TTC28: variants seen among roughly 807,000 people sequenced by gnomAD.
The protein encoded by TTC28 is tetratricopeptide repeat protein 28.
Under a neutral mutation model 198.0 loss-of-function variants are expected in TTC28, and 61 were observed. The observed-to-expected ratio is 0.31, with a 90% confidence interval of 0.25 to 0.38. The LOEUF is 0.38. Among genes scored for constraint, TTC28 ranks in the 10% least tolerant of loss-of-function variants. The pLI, the probability that TTC28 is intolerant of heterozygous loss-of-function variation, is 1.00. For missense variants in TTC28, 2,678 were observed against 3,164.0 expected, an observed-to-expected ratio of 0.85 and a Z score of 3.69; for synonymous variants, 1,171 against 1,297.8, an observed-to-expected ratio of 0.90 and a Z score of 2.10.
At chr22:28,477,597 G>A (rs955947884) in intron 2 of TTC28, among the ~76,000 whole-genome samples, 1 of 152,126 alleles carries the variant, frequency 6.6e-6, no homozygotes, top group Admixed American at 6.5e-5. Context: ...AAAACAAGAT[G>A]GAAAAGAAAA....
intron 2 of TTC28, among the ~76,000 whole-genome samples, chr22:28,488,116 A>C (rs1222721609): frequency 6.6e-6 from 1 of 152,172 alleles, no homozygotes; most frequent in Non-Finnish European, 1.5e-5. Context: ...CCTCCAGCTT[A>C]GGGGGAGTTA....
At chr22:28,296,384 T>C in intron 4 of TTC28, 56 bp from the exon 5 acceptor site, 1 of 1,381,378 alleles carries the variant, frequency 7.2e-7, no homozygotes, top group South Asian at 1.7e-5. Flanking sequence ...ATAATGTTAT[T>C]TATAACATAT....
At chr22:28,070,187 C>T (rs1412447139) in intron 12 of TTC28, among the ~76,000 whole-genome samples, 1 of 152,032 alleles carries the variant, frequency 6.6e-6, no homozygotes, top group Non-Finnish European at 1.5e-5. Context: ...ATGAATATTC[C>T]CTGAGGCCCA....
chr22:28,341,483 CT>C (rs1484012321), intron 2 of TTC28, among the ~76,000 whole-genome samples: 2 of 152,006 alleles, frequency 1.3e-5, no homozygotes, highest in Non-Finnish European at 2.9e-5. Context: ...GAGATCTCAT[CT>C]TAACAAAAAA....
chr22:28,587,505 T>C (rs773419479), intron 2 of TTC28, among the ~76,000 whole-genome samples: 1 of 152,184 alleles, frequency 6.6e-6, no homozygotes, highest in Non-Finnish European at 1.5e-5. Flanking sequence ...TTTTTATTTA[T>C]TTATTTTATT....
chr22:28,440,858 TC>T (rs1266132237), intron 2 of TTC28, among the ~76,000 whole-genome samples: 1 of 152,148 alleles, frequency 6.6e-6, no homozygotes, highest in Non-Finnish European at 1.5e-5. Flanking sequence ...TCTAATCTCT[TC>T]CAAGGGAGCT....
rs562832253 is a variant in TTC28, at chr22:28,083,579, C to T, written c.3932+10501G>A. Among the ~76,000 whole-genome samples, 43 of 152,336 alleles carry T rather than the reference C, an allele frequency of 2.8e-4. No individual in the cohort carries two copies. The East Asian group carries it at 3.9e-3, about 14-fold the overall frequency. ...AACAGCTCCAGTCTACAGCTCCCAG[C>T]GTGAGCGATGCAGAAGACGGGTGAT... is the stretch of plus-strand genomic sequence containing the variant. On this transcript the variant is annotated intron_variant, in intron 12 of 22. Transcript: ENST00000397906.
intron 2 of TTC28, among the ~76,000 whole-genome samples, chr22:28,464,260 T>C (rs1231580783): frequency 6.6e-6 from 1 of 152,248 alleles, no homozygotes; most frequent in Non-Finnish European, 1.5e-5. Context: ...AGAAGGACTT[T>C]GAACTGGATG....
chr22:28,563,458 G>A (rs533455463), intron 2 of TTC28, among the ~76,000 whole-genome samples: 12 of 152,258 alleles, frequency 7.9e-5, no homozygotes, highest in Non-Finnish European at 1.6e-4. Context: ...ACCTGTGTGA[G>A]TCAATTGTAA....
chr22:28,625,396 AT>A (rs1166470182), intron 2 of TTC28, among the ~76,000 whole-genome samples: 2 of 152,188 alleles, frequency 1.3e-5, no homozygotes, highest in Admixed American at 1.3e-4. Context: ...AATACATTGT[AT>A]TTCTATAGAT....
At chr22:28,125,304 A>T (rs1202781936) in intron 6 of TTC28, among the ~76,000 whole-genome samples, 1 of 152,198 alleles carries the variant, frequency 6.6e-6, no homozygotes. Flanking sequence ...ACCTCGATTT[A>T]TTAATCTCTG....
At chr22:28,459,910 A>T (rs2047922143) in intron 2 of TTC28, 1 of 152,212 alleles carries the variant, frequency 6.6e-6, no homozygotes, top group African/African-American at 2.4e-5. Context: ...GCTTTTAGGA[A>T]ATGTTGGCTG....
intron 1 of TTC28, among the ~76,000 whole-genome samples, chr22:28,649,930 T>C (rs779988799): frequency 6.6e-6 from 1 of 152,198 alleles, no homozygotes; most frequent in East Asian, 1.9e-4. Context: ...CAATTACTGA[T>C]CTCTGAACTT....
At chr22:28,165,060 C>A (rs186127777) in intron 5 of TTC28, among the ~76,000 whole-genome samples, 5 of 152,044 alleles carry the variant, frequency 3.3e-5, no homozygotes, top group African/African-American at 1.2e-4. Context: ...ATGCGATCAA[C>A]TGGAAGAAAG....
chr22:28,393,363 CA>C (rs2046765482), intron 2 of TTC28, among the ~76,000 whole-genome samples: 1 of 151,900 alleles, frequency 6.6e-6, no homozygotes, highest in African/African-American at 2.4e-5. Flanking sequence ...TTTTCCTAGG[CA>C]AGAGGAGCTG....
intron 13 of TTC28, among the ~76,000 whole-genome samples, chr22:28,020,336 A>C (rs1014112496): frequency 2.6e-5 from 4 of 152,208 alleles, no homozygotes; most frequent in Non-Finnish European, 4.4e-5. Context: ...TCTTCAGATG[A>C]TGTTTATTAA....
At chr22:28,171,901 G>A (rs567560318) in intron 5 of TTC28, among the ~76,000 whole-genome samples, 2 of 152,232 alleles carry the variant, frequency 1.3e-5, no homozygotes, top group East Asian at 3.9e-4. Context: ...CTTTGGGGCT[G>A]AGGTTAGGAC....
chr22:28,601,512 T>C (rs916759996), intron 2 of TTC28, among the ~76,000 whole-genome samples: 14 of 152,190 alleles, frequency 9.2e-5, no homozygotes, highest in African/African-American at 3.4e-4. Flanking sequence ...ATTTACATTG[T>C]ATTAAATATT....
intron 14 of TTC28, among the ~76,000 whole-genome samples, chr22:28,011,464 T>C (rs1938162066): frequency 6.6e-6 from 1 of 152,062 alleles, no homozygotes; most frequent in African/African-American, 2.4e-5. Flanking sequence ...GGTGTGGTGG[T>C]GCACACCTGT....
Sources: allele counts gnomAD v4.1 joint callset (sites outside exome capture counted in the v4.1 genomes callset), GRCh38; gene constraint gnomAD v4.1.1; transcripts MANE v1.5; gene names NCBI Gene and HGNC (gene_info 2026-07-23, HGNC 2026-07-21).